Variants in NAA60 observed in about 807,000 individuals in gnomAD.
NAA60 encodes N-alpha-acetyltransferase 60, NatF catalytic subunit.
A neutral mutation model predicts 26.1 loss-of-function variants in NAA60; 8 were observed. That is an observed-to-expected ratio of 0.31 (90% CI 0.18 to 0.55). The LOEUF (loss-of-function observed/expected upper bound fraction) is 0.55. Ranked by LOEUF, NAA60 falls within the 20% of genes least tolerant of loss-of-function variation. The probability of loss-of-function intolerance (pLI) is 0.93; values close to 1 mark genes in which losing one functional copy is unlikely to be tolerated. For missense variants in NAA60, 290 were observed against 311.3 expected (o/e 0.93, Z 0.51); for synonymous variants, 131 against 122.5 (o/e 1.07, Z -0.46).
rs150305735 is a variant in NAA60, at chr16:3,449,882, G to A, written c.-7+1342G>A. The stretch of plus-strand genomic sequence containing the variant: ...CAAGCCCTCTTTTGTCTGCCACCAT[G>A]TGAGACATGCCTTTTACCTTCCACC... On this transcript the variant is annotated intron_variant, in intron 2 of 7. Coordinates refer to ENST00000407558, the MANE Select transcript of NAA60 (RefSeq NM_001083601.3). 937 of 386,336 alleles carry A rather than the reference G, an allele frequency of 2.4e-3. 7 individuals carry two copies. The highest frequency in any genetic ancestry group is 0.015 in the African/African-American group (740 of 48,448). 23.9% of individuals were successfully genotyped at this position (386,336 alleles called of 1,614,324 possible).
intron 1 of NAA60, among the ~76,000 whole-genome samples, chr16:3,446,470 G>T (rs2034558426): frequency 6.7e-6 from 1 of 149,764 alleles, no homozygotes; most frequent in East Asian, 2.0e-4. Context: ...GGCGGAGCTT[G>T]CAGTGAGCCG....
chr16:3,485,696 G>A lies in NAA60; in HGVS notation c.*436G>A. Reference sequence around the variant, plus strand: ...GAACGCAAGTATTATGGACACACTTGACCGTAAAGGCACAGGAGCCTCGGA... The same window carrying A: ...GAACGCAAGTATTATGGACACACTTAACCGTAAAGGCACAGGAGCCTCGGA... On this transcript the variant is annotated 3_prime_UTR_variant, in exon 8 of 8. Coordinates refer to ENST00000407558, the MANE Select transcript of NAA60 (RefSeq NM_001083601.3). 2.2e-6 allele frequency: 1 copy of A among 456,566 alleles called. No homozygotes were observed. Among genetic ancestry groups the A allele is most frequent in the Non-Finnish European group, 4.4e-6 (1 of 226,928 alleles). 28.3% of individuals were successfully genotyped at this position (456,566 alleles called of 1,614,324 possible). A position where few individuals can be genotyped will look rare whatever the true frequency, so the allele number is the denominator to read the frequency against.
chr16:3,450,715 A>G (rs1351902725), intron 2 of NAA60, among the ~76,000 whole-genome samples: 5 of 147,218 alleles, frequency 3.4e-5, no homozygotes, highest in South Asian at 2.1e-4. Context: ...AAAAAAAAAA[A>G]AAAAAAAAAG....
At chr16:3,465,932 T>C (rs536861613) in intron 2 of NAA60, among the ~76,000 whole-genome samples, 1 of 152,120 alleles carries the variant, frequency 6.6e-6, no homozygotes, top group Non-Finnish European at 1.5e-5. Context: ...CAGTTTGAAA[T>C]GTAAGGCGTG....
intron 4 of NAA60, among the ~76,000 whole-genome samples, chr16:3,481,383 C>G (rs1191187420): frequency 2.6e-5 from 4 of 152,194 alleles, no homozygotes; most frequent in Non-Finnish European, 5.9e-5. Context: ...CCGTGCCCAG[C>G]CTGATCTCTC....
In NAA60 at chr16:3,478,252, C is replaced by T. The variant is rs147564909; in HGVS notation, c.111-1219C>T. Reference sequence around the variant, plus strand: ...CTCCATCTCAAAATAAAAATAAAAACGTGTTCTTCAGCCCAGCAATTTAAC... The same window carrying T: ...CTCCATCTCAAAATAAAAATAAAAATGTGTTCTTCAGCCCAGCAATTTAAC... On this transcript the variant is annotated intron_variant, in intron 3 of 7. Coordinates refer to ENST00000407558, the MANE Select transcript of NAA60 (RefSeq NM_001083601.3). Among the ~76,000 whole-genome samples, 190 of 152,192 alleles carry T rather than the reference C, an allele frequency of 1.2e-3. 1 individual carries two copies. The highest frequency in any genetic ancestry group is 4.4e-3 in the African/African-American group (182 of 41,532).
intron 2 of NAA60, among the ~76,000 whole-genome samples, chr16:3,466,274 G>A (rs2035755906): frequency 6.6e-6 from 1 of 152,184 alleles, no homozygotes; most frequent in Non-Finnish European, 1.5e-5. Flanking sequence ...GGCTCCCCTC[G>A]GCACATGATG....
At chr16:3,472,369 C>T (rs2036206891) in intron 2 of NAA60, 1 of 152,204 alleles carries the variant, frequency 6.6e-6, no homozygotes, top group Admixed American at 6.5e-5. Flanking sequence ...CCCAGTCTCT[C>T]CGGAATGAGA....
intron 2 of NAA60, among the ~76,000 whole-genome samples, chr16:3,465,232 A>G (rs1301513760): frequency 6.7e-6 from 1 of 149,146 alleles, no homozygotes; most frequent in African/African-American, 2.5e-5. Context: ...TTGCCACTGC[A>G]CTCCAGCCTG....
chr16:3,448,013 T>C (rs2034622638), intron 1 of NAA60, among the ~76,000 whole-genome samples: 1 of 152,160 alleles, frequency 6.6e-6, no homozygotes, highest in Non-Finnish European at 1.5e-5. Flanking sequence ...GACCTACTCA[T>C]ACTGAATAAT....
At chr16:3,466,816 G>T (rs2035795388) in intron 2 of NAA60, among the ~76,000 whole-genome samples, 1 of 152,172 alleles carries the variant, frequency 6.6e-6, no homozygotes, top group Non-Finnish European at 1.5e-5. Context: ...GGGATTCCTG[G>T]AGGGGCTCTG....
chr16:3,448,998 C>G (rs187483598), intron 2 of NAA60: 2 of 153,830 alleles, frequency 1.3e-5, no homozygotes, highest in African/African-American at 4.8e-5. Context: ...CTGTGGTGAT[C>G]CGTCTTACAC....
chr16:3,477,741 C>G (rs2036570105), intron 3 of NAA60, among the ~76,000 whole-genome samples: 1 of 150,754 alleles, frequency 6.6e-6, no homozygotes, highest in Admixed American at 6.7e-5. Context: ...ACCAGCCTGG[C>G]CAACATGGTG....
chr16:3,461,080 A>G (rs2035361445), intron 2 of NAA60, among the ~76,000 whole-genome samples: 1 of 152,064 alleles, frequency 6.6e-6, no homozygotes, highest in Non-Finnish European at 1.5e-5. Flanking sequence ...CATTCTTTTT[A>G]GCATGACCTC....
intron 2 of NAA60, among the ~76,000 whole-genome samples, chr16:3,463,768 G>T (rs182856693): frequency 6.6e-6 from 1 of 152,154 alleles, no homozygotes; most frequent in Admixed American, 6.5e-5. Flanking sequence ...CTATTTGGGA[G>T]GCTGAGGTTG....
intron 3 of NAA60, among the ~76,000 whole-genome samples, chr16:3,477,026 A>T (rs969711046): frequency 9.2e-5 from 14 of 152,034 alleles, no homozygotes; most frequent in Non-Finnish European, 1.5e-4. Flanking sequence ...GGGCAACAAG[A>T]GCGATATTCC....
chr16:3,447,350 T>C (rs2034597520), intron 1 of NAA60: 1 of 388,314 alleles, frequency 2.6e-6, no homozygotes, highest in African/African-American at 2.2e-5. Context: ...ATTTATGTGG[T>C]ACATGAAATA....
intron 2 of NAA60, among the ~76,000 whole-genome samples, chr16:3,465,611 C>T (rs745323893): frequency 6.6e-6 from 1 of 152,182 alleles, no homozygotes; most frequent in Admixed American, 6.5e-5. Context: ...CCCTGCGTGT[C>T]TTGGGTGCAG....
chr16:3,474,649 C>G (rs147305239), intron 2 of NAA60, among the ~76,000 whole-genome samples: 2 of 152,198 alleles, frequency 1.3e-5, no homozygotes, highest in East Asian at 1.9e-4. Context: ...AGATAAAAGA[C>G]GAGGTCTTTC....
Sources: gnomAD v4.1 joint callset for allele counts (sites outside exome capture counted in the v4.1 genomes callset) on GRCh38, gnomAD v4.1.1 for gene constraint, MANE v1.5 for transcripts, NCBI Gene and HGNC (gene_info 2026-07-23, HGNC 2026-07-21) for gene names.